Variants in KDM1B observed in about 807,000 individuals in gnomAD.
The protein encoded by KDM1B is lysine demethylase 1B, also known as lysine-specific histone demethylase 2.
KDM1B carries 63 observed loss-of-function variants against 107.4 expected under a neutral mutation model. The observed-to-expected ratio is 0.59, with a 90% CI of 0.48 to 0.72. KDM1B has a LOEUF of 0.72. Among genes scored for constraint, KDM1B ranks in the 30% least tolerant of loss-of-function variants. KDM1B has a pLI of 0.00. For missense variants in KDM1B, 749 were observed against 1,020.8 expected (o/e 0.73, Z 3.63); for synonymous variants, 363 against 363.9 (o/e 1.00, Z 0.03).
chr6:18,191,097 A>T lies in KDM1B; in HGVS notation c.785-100A>T, dbSNP rs1787256103. 1 of 948,380 alleles carries T rather than the reference A, an allele frequency of 1.1e-6. No homozygotes were observed. The highest frequency in any genetic ancestry group is 1.6e-6 in the Non-Finnish European group (1 of 630,022). 58.7% of individuals were successfully genotyped at this position (948,380 alleles called of 1,614,324 possible). A position where few individuals can be genotyped will look rare whatever the true frequency, so the allele number is the denominator to read the frequency against. ...GGTATTTATGTAGGGTAGAGAGTGG[A>T]GCTTGTCTAGGCTTACTTTTTGGTT... is the stretch of plus-strand genomic sequence containing the variant. On this transcript the variant is annotated intron_variant, in intron 9 of 21. Transcript: ENST00000650836. The surrounding 1 kb of genome is among the most constrained non-coding windows in gnomAD (Gnocchi z 5.1).
At chr6:18,208,599 GTATGTATATATATATATATATATATA>G (rs1788550571) in intron 17 of KDM1B, among the ~76,000 whole-genome samples, 1 of 40,692 alleles carries the variant, frequency 2.5e-5, no homozygotes, top group Non-Finnish European at 4.2e-5. Context: ...AGAAGTATGT[GTATGTATATATATATATATATATATA>G]TATTTTTTTT....
At chr6:18,160,735 CT>C (rs1451507464) in intron 3 of KDM1B, among the ~76,000 whole-genome samples, 3 of 121,962 alleles carry the variant, frequency 2.5e-5, no homozygotes, top group Admixed American at 2.4e-4. Flanking sequence ...GAGACTCTGT[CT>C]CAAAAAAAAA....
Position 18,209,241 on chromosome 6 carries a change from A to G in KDM1B, c.1866+1035A>G, listed in dbSNP as rs534262005. Among the ~76,000 whole-genome samples the G allele has an allele frequency of 5.9e-5, 9 of 152,328 alleles. No individual in the cohort carries two copies. In the East Asian group the frequency reaches 1.7e-3, roughly 29 times the overall value. ...GAATAAAGGTGCCTCCTTGGGGTAG[A>G]GGGGATTTAGTAAACCTTGAAAATT... is the stretch of plus-strand genomic sequence containing the variant. On this transcript the variant is annotated intron_variant, in intron 17 of 21. Transcript: ENST00000650836. This position sits in a 1 kb window ranked among gnomAD's most constrained non-coding sequence, Gnocchi z 4.3.
chr6:18,160,081 A>G, intron 3 of KDM1B, 99 bp downstream of exon 3: 1 of 737,938 alleles, frequency 1.4e-6, no homozygotes, highest in East Asian at 2.7e-5. Context: ...CCAGCCCTCA[A>G]GTTGCTTGTA....
chr6:18,185,304 CTT>C (rs554155812), intron 7 of KDM1B, among the ~76,000 whole-genome samples: 12 of 142,464 alleles, frequency 8.4e-5, no homozygotes, highest in Non-Finnish European at 9.2e-5. Context: ...CACACTCTCA[CTT>C]TTTTTTTTTT....
chr6:18,176,877 A>C (rs1312678312), intron 7 of KDM1B, among the ~76,000 whole-genome samples: 1 of 152,102 alleles, frequency 6.6e-6, no homozygotes, highest in African/African-American at 2.4e-5. Context: ...TTAAGCATCT[A>C]CATTAGCTAG....
intron 2 of KDM1B, among the ~76,000 whole-genome samples, chr6:18,156,251 G>A (rs111500861): frequency 2.6e-5 from 4 of 152,330 alleles, no homozygotes; most frequent in African/African-American, 7.2e-5. Flanking sequence ...GGCCCGATTA[G>A]GGTAGCTGTT....
chr6:18,219,762 T>C (rs1277006533), intron 21 of KDM1B, among the ~76,000 whole-genome samples: 1 of 152,212 alleles, frequency 6.6e-6, no homozygotes, highest in African/African-American at 2.4e-5. Flanking sequence ...TCCAGCAAGC[T>C]TATCAACCAG....
At chr6:18,179,849 CCT>C (rs1491397670) in intron 7 of KDM1B, among the ~76,000 whole-genome samples, 49,945 of 95,956 alleles carry the variant, frequency 0.52, 21,984 homozygotes, top group Non-Finnish European at 0.61. Context: ...GGTTTTTTTT[CCT>C]TTTTTTTTTT....
At chr6:18,189,009 T>C (rs1207042) in intron 9 of KDM1B, among the ~76,000 whole-genome samples, 50,048 of 151,768 alleles carry the variant, frequency 0.33, 9,896 homozygotes, top group African/African-American at 0.55. Flanking sequence ...GTCTCGAACT[T>C]CTGACCTCAA....
Position 18,214,659 on chromosome 6 carries a change from C to G in KDM1B, c.2110-348C>G, listed in dbSNP as rs1324895725. Among the ~76,000 whole-genome samples the G allele has an allele frequency of 1.3e-5, 2 of 152,158 alleles. No individual in the cohort carries two copies. Among genetic ancestry groups the G allele is most frequent in the Admixed American group, 1.3e-4 (2 of 15,284 alleles). The stretch of plus-strand genomic sequence containing the variant: ...GTACAGTGGCTCACGCCTGTAATCC[C>G]AGCACTTTGGGAGGCCGAGGTGGGT... On this transcript the variant is annotated intron_variant, in intron 19 of 21. Coordinates refer to ENST00000650836, the MANE Select transcript of KDM1B (RefSeq NM_001364614.2). This position sits in a 1 kb window ranked among gnomAD's most constrained non-coding sequence, Gnocchi z 4.4.
chr6:18,177,100 C>G (rs1786067403), intron 7 of KDM1B, among the ~76,000 whole-genome samples: 1 of 152,064 alleles, frequency 6.6e-6, no homozygotes, highest in Non-Finnish European at 1.5e-5. Flanking sequence ...TGGTCCTGGA[C>G]TTTTTTTGTT....
intron 6 of KDM1B, among the ~76,000 whole-genome samples, chr6:18,169,488 A>G (rs1362231829): frequency 6.6e-6 from 1 of 152,080 alleles, no homozygotes; most frequent in East Asian, 1.9e-4. Flanking sequence ...AGCTTCCCAA[A>G]GTTCTGGGAT....
chr6:18,201,752 T>C lies in KDM1B; in HGVS notation c.1531+95T>C. 1 of 1,054,890 alleles carries C rather than the reference T, an allele frequency of 9.5e-7. No homozygotes were observed. The highest frequency in any genetic ancestry group is 1.7e-5 in the South Asian group (1 of 59,830). 65.3% of individuals were successfully genotyped at this position (1,054,890 alleles called of 1,614,324 possible). On this transcript the variant is annotated intron_variant, in intron 14 of 21. Transcript: ENST00000650836. This position sits in a 1 kb window ranked among gnomAD's most constrained non-coding sequence, Gnocchi z 4.3. ...CATTGTTCATTTGCGAGGTCGGATG[T>C]CGGCAACAGGGTAGCCCTCCTGAGC...
rs533016543 is a variant in KDM1B at position 18,210,342 on chromosome 6, C to CTTTTTTTTTTTTTTTTTT, written c.1867-2133_1867-2116dup. On this transcript the variant is annotated intron_variant, in intron 17 of 21. Transcript: ENST00000650836. ...TCTTTCTTTTTTTTCTCTTTCTTTT[C>CTTTTTTTTTTTTTTTTTT]TTTTTTTTTTTTTTTTTTTTTTTTT... Among the ~76,000 whole-genome samples, 234 of 69,948 alleles carry CTTTTTTTTTTTTTTTTTT rather than the reference C, an allele frequency of 3.3e-3. 19 individuals are homozygous for CTTTTTTTTTTTTTTTTTT. The highest frequency in any genetic ancestry group is 4.4e-3 in the Non-Finnish European group (151 of 33,938). The allele number at this position is 69,948 out of a possible 152,430, so 45.9% of individuals were successfully genotyped here.
At position 18,185,753 on chromosome 6, in the gene KDM1B, A is replaced by G. The variant is rs1359969600; in HGVS notation, c.535-19A>G. On this transcript the variant is annotated intron_variant, in intron 7 of 21. Coordinates refer to ENST00000650836, the MANE Select transcript of KDM1B (RefSeq NM_001364614.2). ...ATTTTATAAGCAACCCTAATTTAAC[A>G]CTTGGTTTTCTTTTGTAGCCTGAGA... 3 of 1,610,984 alleles carry G rather than the reference A, an allele frequency of 1.9e-6. No individual in the cohort carries two copies. Among genetic ancestry groups the G allele is most frequent in the African/African-American group, 1.3e-5 (1 of 74,824 alleles).
Position 18,197,436 on chromosome 6 carries a change from GACAAGTGCCACC to G in KDM1B, c.1147-147_1147-136del. The G allele has an allele frequency of 2.6e-6, 2 of 778,992 alleles. No homozygotes were observed. The highest frequency in any genetic ancestry group is 3.3e-5 in the South Asian group (2 of 61,144). The allele number at this position is 778,992 out of a possible 1,614,324, so 48.3% of individuals were successfully genotyped here. A position where few individuals can be genotyped will look rare whatever the true frequency, so the allele number is the denominator to read the frequency against. On this transcript the variant is annotated intron_variant, in intron 11 of 21. Coordinates refer to ENST00000650836, the MANE Select transcript of KDM1B (RefSeq NM_001364614.2). This position sits in a 1 kb window ranked among gnomAD's most constrained non-coding sequence, Gnocchi z 4.5. The stretch of plus-strand genomic sequence containing the variant: ...AGGGAAAAAGGGAAGGGAGTAATAA[GACAAGTGCCACC>G]ACATTCTTTAGGAAAATAACTTTCT...
At chr6:18,217,507 T>C (rs572320910) in intron 20 of KDM1B, among the ~76,000 whole-genome samples, 110 of 151,596 alleles carry the variant, frequency 7.3e-4, no homozygotes, top group Admixed American at 2.0e-3. Flanking sequence ...GCCTCCCGAG[T>C]AGCTGGGACT....
intron 6 of KDM1B, among the ~76,000 whole-genome samples, chr6:18,170,913 C>T (rs1028095691): frequency 7.2e-5 from 11 of 151,844 alleles, no homozygotes; most frequent in South Asian, 4.2e-4. Flanking sequence ...CTTCGCCTCC[C>T]GGGTTCATGC....
Sources: gnomAD v4.1 joint callset for allele counts (sites outside exome capture counted in the v4.1 genomes callset) on GRCh38, gnomAD v4.1.1 for gene constraint, Gnocchi (gnomAD v3.1) non-coding constraint, MANE v1.5 for transcripts, NCBI Gene and HGNC (gene_info 2026-07-23, HGNC 2026-07-21) for gene names.